KAZN: variants seen among roughly 807,000 people sequenced by gnomAD.
The protein encoded by KAZN is kazrin, periplakin interacting protein.
Under a neutral mutation model 87.4 loss-of-function variants are expected in KAZN, and 40 were observed. The observed-to-expected ratio is 0.46, with a 90% CI of 0.36 to 0.60. KAZN has a LOEUF of 0.60. Among genes scored for constraint, KAZN ranks in the 20% least tolerant of loss-of-function variants. The pLI, the probability that KAZN is intolerant of heterozygous loss-of-function variation, is 0.00. For synonymous variants in KAZN, 466 were observed against 458.3 expected, an observed-to-expected ratio of 1.02 and a Z score of -0.22; for missense variants, 898 against 1,073.9, an observed-to-expected ratio of 0.84 and a Z score of 2.29.
intron 2 of KAZN, among the ~76,000 whole-genome samples, chr1:14,272,837 G>A (rs904626920): frequency 5.9e-5 from 9 of 152,174 alleles, no homozygotes; most frequent in African/African-American, 2.2e-4. Flanking sequence ...CAGCCTGGGT[G>A]ACAGTGCAAG....
At position 13,893,582 on chromosome 1, in the gene KAZN, G is replaced by A. The variant is rs775652736; in HGVS notation, c.-84G>A. 3 of 1,515,552 alleles carry A rather than the reference G, an allele frequency of 2.0e-6. No homozygotes were observed. In the African/African-American group the frequency reaches 4.2e-5, roughly 21 times the overall value. 93.9% of individuals were successfully genotyped at this position (1,515,552 alleles called of 1,614,324 possible). A position where few individuals can be genotyped will look rare whatever the true frequency, so the allele number is the denominator to read the frequency against. ...AAGTAGCCTCAGATCTGCAGTTCCT[G>A]GGCCAGCGACGGCATCCTTTGCTCT... On this transcript the variant is annotated 5_prime_UTR_variant, in exon 1 of 17. Transcript: ENST00000636203.
At chr1:15,048,769 ATCCTGGGTCGTTGATCCTTGGTCATTGG>A (rs1295541387) in intron 4 of KAZN, among the ~76,000 whole-genome samples, 4 of 118,206 alleles carry the variant, frequency 3.4e-5, no homozygotes, top group African/African-American at 1.4e-4. Context: ...TGGGTCGTCG[ATCCTGGGTCGTTGATCCTTGGTCATTGG>A]TCCTGAGTCG....
At chr1:14,440,592 A>G (rs1666643735) in intron 2 of KAZN, among the ~76,000 whole-genome samples, 1 of 152,198 alleles carries the variant, frequency 6.6e-6, no homozygotes, top group African/African-American at 2.4e-5. Flanking sequence ...GGAATGACTG[A>G]TTAAGTCATG....
intron 1 of KAZN, among the ~76,000 whole-genome samples, chr1:14,721,789 C>A (rs926697255): frequency 6.6e-6 from 1 of 152,134 alleles, no homozygotes; most frequent in African/African-American, 2.4e-5. Flanking sequence ...GTCAATCAAC[C>A]CCTCAGCTCT....
At chr1:14,150,649 T>C (rs1645452481) in intron 1 of KAZN, among the ~76,000 whole-genome samples, 2 of 152,204 alleles carry the variant, frequency 1.3e-5, no homozygotes, top group African/African-American at 2.4e-5. Context: ...GAGCCATGCA[T>C]GAACCCATTG....
At chr1:14,473,339 A>G (rs1668551355) in intron 2 of KAZN, among the ~76,000 whole-genome samples, 1 of 152,176 alleles carries the variant, frequency 6.6e-6, no homozygotes, top group African/African-American at 2.4e-5. Flanking sequence ...TTTATCTTAA[A>G]AACTCTTGGC....
intron 1 of KAZN, among the ~76,000 whole-genome samples, chr1:14,012,531 T>G (rs970598409): frequency 6.6e-6 from 1 of 152,134 alleles, no homozygotes; most frequent in African/African-American, 2.4e-5. Context: ...AAATACATAT[T>G]AGGCTGGGCA....
At chr1:14,739,791 A>T (rs1334115764) in intron 1 of KAZN, among the ~76,000 whole-genome samples, 2 of 151,918 alleles carry the variant, frequency 1.3e-5, no homozygotes, top group East Asian at 1.9e-4. Flanking sequence ...CACTTAGAAT[A>T]AAAAAATGTT....
At chr1:14,904,312 A>AAG in intron 1 of KAZN, among the ~76,000 whole-genome samples, 1 of 151,622 alleles carries the variant, frequency 6.6e-6, no homozygotes, top group Non-Finnish European at 1.5e-5. Flanking sequence ...CTCAAAAGAA[A>AAG]AAAAAAAAAA....
intron 2 of KAZN, among the ~76,000 whole-genome samples, chr1:15,024,593 A>AAGGGGAGGCCTCAGTTTCCAGCGG (rs1161844073): frequency 6.6e-6 from 1 of 152,202 alleles, no homozygotes; most frequent in Non-Finnish European, 1.5e-5. Flanking sequence ...TCTTGTAGAA[A>AAGGGGAGGCCTCAGTTTCCAGCGG]AGGGGAGGCC....
At chr1:14,074,474 G>T (rs1643368190) in intron 1 of KAZN, among the ~76,000 whole-genome samples, 1 of 152,208 alleles carries the variant, frequency 6.6e-6, no homozygotes, top group Admixed American at 6.5e-5. Context: ...TCCTGGGGAT[G>T]GACCTGGGGA....
Position 15,065,881 on chromosome 1 carries a change from C to T in KAZN, c.1222+128C>T, listed in dbSNP as rs1042041469. On this transcript the variant is annotated intron_variant, in intron 8 of 14. Transcript: ENST00000376030. The stretch of plus-strand genomic sequence containing the variant: ...AAGCGAGCGTGGGTGCGCGTGTGGC[C>T]GTGCGTGGGGTGCGTGTGCACGTGT... 6 of 1,516,212 alleles carry T rather than the reference C, an allele frequency of 4.0e-6. No homozygotes were observed. The East Asian group carries it at 9.5e-5, about 24-fold the overall frequency. The allele number at this position is 1,516,212 out of a possible 1,614,324, so 93.9% of individuals were successfully genotyped here.
intron 2 of KAZN, among the ~76,000 whole-genome samples, chr1:14,570,405 C>T (rs1674793240): frequency 6.6e-6 from 1 of 152,202 alleles, no homozygotes; most frequent in African/African-American, 2.4e-5. Flanking sequence ...CTCCCAATTC[C>T]TATCCCTAGC....
intron 2 of KAZN, among the ~76,000 whole-genome samples, chr1:14,180,790 CAAAGT>C (rs995678306): frequency 4.0e-4 from 61 of 152,202 alleles, no homozygotes; most frequent in African/African-American, 1.4e-3. Flanking sequence ...TTTAAAAAGT[CAAAGT>C]AATACAGCTT....
chr1:14,798,182 A>G (rs2100722902), intron 1 of KAZN, among the ~76,000 whole-genome samples: 1 of 152,250 alleles, frequency 6.6e-6, no homozygotes, highest in East Asian at 1.9e-4. Context: ...TGAGCCTGGC[A>G]CTGGAGCATC....
chr1:14,761,601 C>T (rs370708294), intron 1 of KAZN, among the ~76,000 whole-genome samples: 2 of 152,212 alleles, frequency 1.3e-5, no homozygotes, highest in Non-Finnish European at 2.9e-5. Flanking sequence ...CCACGGAAAA[C>T]ATTAGAATTT....
intron 2 of KAZN, among the ~76,000 whole-genome samples, chr1:14,506,278 G>A (rs894920849): frequency 6.6e-6 from 1 of 152,134 alleles, no homozygotes; most frequent in Non-Finnish European, 1.5e-5. Flanking sequence ...TCAAGGCCCA[G>A]CTGATATAAC....
intron 1 of KAZN, among the ~76,000 whole-genome samples, chr1:14,679,786 A>G (rs910975154): frequency 1.3e-5 from 2 of 152,168 alleles, no homozygotes; most frequent in African/African-American, 4.8e-5. Context: ...CTAGTCGGAT[A>G]GGCATCAGGT....
intron 2 of KAZN, among the ~76,000 whole-genome samples, chr1:14,419,385 G>C (rs569209713): frequency 6.6e-6 from 1 of 152,118 alleles, no homozygotes; most frequent in Non-Finnish European, 1.5e-5. Flanking sequence ...CATTGCCTGG[G>C]AAGCCACCAT....
Sources: gnomAD v4.1 joint callset for allele counts (sites outside exome capture counted in the v4.1 genomes callset) on GRCh38, gnomAD v4.1.1 for gene constraint, MANE v1.5 for transcripts, NCBI Gene and HGNC (gene_info 2026-07-23, HGNC 2026-07-21) for gene names.